The following PEX14 variants were observed in gnomAD, a reference collection of about 807,000 sequenced individuals.
PEX14 encodes the protein peroxisomal membrane protein PEX14.
In PEX14, 15 loss-of-function variants were observed where a neutral mutation model predicts 49.5. That is an observed-to-expected ratio of 0.30 (90% CI 0.20 to 0.47). PEX14 has a LOEUF of 0.47. PEX14 is among the 20% of genes least tolerant of loss of function. The pLI is 1.00. For synonymous variants in PEX14, 210 were observed against 212.7 expected (o/e 0.99, Z 0.11); for missense variants, 398 against 494.8 (o/e 0.80, Z 1.86).
chr1:10,490,924 G>A (rs543924930), intron 1 of PEX14, among the ~76,000 whole-genome samples: 48 of 151,400 alleles, frequency 3.2e-4, no homozygotes, highest in African/African-American at 1.1e-3. Context: ...GGCTGGTCTC[G>A]AACTCCTGGG....
At chr1:10,490,533 T>C (rs1641453157) in intron 1 of PEX14, among the ~76,000 whole-genome samples, 1 of 152,156 alleles carries the variant, frequency 6.6e-6, no homozygotes, top group African/African-American at 2.4e-5. Flanking sequence ...CATTTCTCTC[T>C]CTGCCGCCGT....
chr1:10,546,581 A>G (rs966496752), intron 3 of PEX14, among the ~76,000 whole-genome samples: 4 of 134,956 alleles, frequency 3.0e-5, no homozygotes, highest in African/African-American at 1.1e-4. Flanking sequence ...AAAAAAAAAA[A>G]AAAGGCTAGG....
chr1:10,591,130 T>C (rs1485605168), intron 3 of PEX14, among the ~76,000 whole-genome samples: 1 of 152,206 alleles, frequency 6.6e-6, no homozygotes, highest in African/African-American at 2.4e-5. Context: ...AAAGCAAATG[T>C]TTGTTTTGTT....
At chr1:10,565,223 ATTT>A (rs1639769099) in intron 3 of PEX14, among the ~76,000 whole-genome samples, 1 of 152,158 alleles carries the variant, frequency 6.6e-6, no homozygotes, top group African/African-American at 2.4e-5. Context: ...ATCTTAAAAT[ATTT>A]TATTGCATGA....
intron 2 of PEX14, among the ~76,000 whole-genome samples, chr1:10,502,801 T>C (rs1279364233): frequency 9.3e-5 from 14 of 150,036 alleles, no homozygotes; most frequent in Non-Finnish European, 1.3e-4. Flanking sequence ...TTTTTCTTTT[T>C]TTTTTTTTTT....
Position 10,622,843 on chromosome 1 carries a change from G to A in PEX14, c.385-176G>A, listed in dbSNP as rs150713371. On this transcript the variant is annotated intron_variant, in intron 5 of 8. Transcript: ENST00000356607. ...GTCCTTATTCAGGCAGAATTTTTAC[G>A]TGGTTGTAATCGCAGTCTCATAACT... 5.7e-3 allele frequency among the ~76,000 whole-genome samples: 873 copies of A among 152,272 alleles called. 11 individuals carry two copies. The highest frequency in any genetic ancestry group is 0.02 in the African/African-American group (842 of 41,542).
chr1:10,559,519 C>T (rs966112896), intron 3 of PEX14, among the ~76,000 whole-genome samples: 2 of 152,130 alleles, frequency 1.3e-5, no homozygotes, highest in African/African-American at 2.4e-5. Context: ...AGTGAGTAGA[C>T]CCCTGTGTGA....
intron 3 of PEX14, among the ~76,000 whole-genome samples, chr1:10,578,629 C>T (rs1640221551): frequency 1.3e-5 from 2 of 151,850 alleles, no homozygotes; most frequent in Non-Finnish European, 2.9e-5. Context: ...CACAGGTGAA[C>T]AGTAACTTTA....
chr1:10,571,065 C>T (rs1229600663), intron 3 of PEX14, among the ~76,000 whole-genome samples: 3 of 143,572 alleles, frequency 2.1e-5, no homozygotes, highest in Non-Finnish European at 4.5e-5. Flanking sequence ...CCATGTTGCC[C>T]AGGTGGGTCT....
At position 10,599,213 on chromosome 1, in the gene PEX14, T is replaced by G. The variant is rs377580664; in HGVS notation, c.170-25T>G. ...TGGACACTGACAAAAGGTACTCACC[T>G]GCAATGATGTCCTCTTCTCCCCAGG... On this transcript the variant is annotated intron_variant, in intron 3 of 8. Coordinates refer to ENST00000356607, the MANE Select transcript of PEX14 (RefSeq NM_004565.3). 1.4e-5 allele frequency: 23 copies of G among 1,613,408 alleles called. No homozygotes were observed. The African/African-American group carries it at 2.8e-4, about 20-fold the overall frequency.
intron 3 of PEX14, among the ~76,000 whole-genome samples, chr1:10,542,479 C>T (rs1348470776): frequency 6.6e-6 from 1 of 152,134 alleles, no homozygotes; most frequent in African/African-American, 2.4e-5. Flanking sequence ...AAACTAGTCC[C>T]GGCTGGGCGC....
At chr1:10,604,523 A>T (rs1319826292) in intron 4 of PEX14, among the ~76,000 whole-genome samples, 2 of 152,036 alleles carry the variant, frequency 1.3e-5, no homozygotes, top group African/African-American at 4.8e-5. Flanking sequence ...AGGTGGGAGG[A>T]TTGCTTGAGC....
rs1456994115 is a variant in PEX14 at position 10,512,843 on chromosome 1, G to A, written c.84+17522G>A. Among the ~76,000 whole-genome samples the A allele has an allele frequency of 1.3e-5, 2 of 152,078 alleles. No homozygotes were observed. Among genetic ancestry groups the A allele is most frequent in the African/African-American group, 4.8e-5 (2 of 41,412 alleles). On this transcript the variant is annotated intron_variant, in intron 2 of 8. Coordinates refer to ENST00000356607, the MANE Select transcript of PEX14 (RefSeq NM_004565.3). The surrounding 1 kb of genome is among the most constrained non-coding windows in gnomAD (Gnocchi z 4.6). ...CTCCTGAGTAGCTGGGACTACAGGC[G>A]TGTGCCACCACGCCCGGCTAATTTT...
chr1:10,538,482 T>G (rs931098084), intron 3 of PEX14, among the ~76,000 whole-genome samples: 1 of 152,228 alleles, frequency 6.6e-6, no homozygotes, highest in African/African-American at 2.4e-5. Flanking sequence ...ATCTCCATTA[T>G]CCTCTAAAAT....
chr1:10,521,465 TCTA>T (rs1459753433), intron 2 of PEX14, among the ~76,000 whole-genome samples: 1 of 152,254 alleles, frequency 6.6e-6, no homozygotes, highest in African/African-American at 2.4e-5. Flanking sequence ...TCAAGCCACA[TCTA>T]CTCTACTTTA....
chr1:10,477,399 T>G (rs1204917097), intron 1 of PEX14, among the ~76,000 whole-genome samples: 1 of 152,214 alleles, frequency 6.6e-6, no homozygotes, highest in Non-Finnish European at 1.5e-5. Flanking sequence ...ACAGACTCTA[T>G]GGCTATCTAA....
At chr1:10,577,558 A>ATG (rs1557854855) in intron 3 of PEX14, among the ~76,000 whole-genome samples, 62 of 5,270 alleles carry the variant, frequency 0.012, 4 homozygotes, top group African/African-American at 0.021. Flanking sequence ...ATATATATAT[A>ATG]TATATTTTTT....
intron 7 of PEX14, 123 bp downstream of exon 7, chr1:10,624,560 T>G (rs1444509111): frequency 2.0e-5 from 15 of 731,770 alleles, no homozygotes; most frequent in Non-Finnish European, 3.8e-5. Flanking sequence ...CTCACAGTGG[T>G]TACACAGCCG....
At chr1:10,542,056 C>T (rs1163910128) in intron 3 of PEX14, among the ~76,000 whole-genome samples, 1 of 149,600 alleles carries the variant, frequency 6.7e-6, no homozygotes, top group East Asian at 2.0e-4. Context: ...AGGAAAGTGA[C>T]AAAATGACAT....
Sources: allele counts gnomAD v4.1 joint callset (sites outside exome capture counted in the v4.1 genomes callset), GRCh38; gene constraint gnomAD v4.1.1; non-coding constraint Gnocchi (gnomAD v3.1); transcripts MANE v1.5; gene names NCBI Gene and HGNC (gene_info 2026-07-23, HGNC 2026-07-21).